The following ARHGAP15 variants were observed in gnomAD, a reference collection of about 807,000 sequenced individuals.
ARHGAP15 encodes the protein Rho GTPase activating protein 15.
ARHGAP15 carries 51 observed loss-of-function variants against 63.7 expected under a neutral mutation model. That is an observed-to-expected ratio of 0.80 (90% confidence interval 0.64 to 1.01). The LOEUF (loss-of-function observed/expected upper bound fraction) is 1.01, where lower values mean the gene tolerates loss of function less well. Ranked by LOEUF, ARHGAP15 falls within the 50% of genes least tolerant of loss-of-function variation. The probability of loss-of-function intolerance (pLI) is 0.00; values close to 1 mark genes in which losing one functional copy is unlikely to be tolerated. For synonymous variants in ARHGAP15, 191 were observed against 193.8 expected (o/e 0.99, Z 0.12); for missense variants, 560 against 564.6 (o/e 0.99, Z 0.08).
chr2:143,255,274 C>G (rs181999702), intron 6 of ARHGAP15, among the ~76,000 whole-genome samples: 1 of 151,916 alleles, frequency 6.6e-6, no homozygotes, highest in African/African-American at 2.4e-5. Flanking sequence ...ATCCTCCCCC[C>G]GCCACCACCA....
intron 12 of ARHGAP15, among the ~76,000 whole-genome samples, chr2:143,678,679 T>TCATG (rs1224107475): frequency 6.6e-6 from 1 of 152,216 alleles, no homozygotes; most frequent in Admixed American, 6.5e-5. Flanking sequence ...TCTAAAAATG[T>TCATG]CATGATTCTA....
At chr2:143,687,683 T>C (rs916896879) in intron 12 of ARHGAP15, among the ~76,000 whole-genome samples, 2 of 152,218 alleles carry the variant, frequency 1.3e-5, no homozygotes, top group Non-Finnish European at 2.9e-5. Flanking sequence ...AGTGATTTGA[T>C]CTGTGCAAAT....
intron 8 of ARHGAP15, among the ~76,000 whole-genome samples, chr2:143,484,320 C>T (rs868531283): frequency 1.2e-4 from 18 of 149,068 alleles, no homozygotes; most frequent in Admixed American, 2.0e-4. Flanking sequence ...GAGCCGAGAT[C>T]GCACCACTGC....
intron 8 of ARHGAP15, among the ~76,000 whole-genome samples, chr2:143,477,806 G>A (rs2105205872): frequency 6.6e-6 from 1 of 152,304 alleles, no homozygotes; most frequent in South Asian, 2.1e-4. Flanking sequence ...CCCAAGTCCT[G>A]ATCCTGAACT....
At chr2:143,409,236 C>A (rs1340685448) in intron 6 of ARHGAP15, among the ~76,000 whole-genome samples, 2 of 151,912 alleles carry the variant, frequency 1.3e-5, no homozygotes, top group Non-Finnish European at 2.9e-5. Flanking sequence ...ATATCATACA[C>A]CCACACCTAC....
At chr2:143,524,231 T>C (rs1344589302) in intron 10 of ARHGAP15, among the ~76,000 whole-genome samples, 1 of 152,148 alleles carries the variant, frequency 6.6e-6, no homozygotes, top group Non-Finnish European at 1.5e-5. Context: ...TGCTGTCGTT[T>C]GTTTGACAGG....
rs2381472 is a variant in ARHGAP15 at position 143,394,169 on chromosome 2, G to A, written c.475-41432G>A. On this transcript the variant is annotated intron_variant, in intron 6 of 13. Coordinates refer to ENST00000295095, the MANE Select transcript of ARHGAP15 (RefSeq NM_018460.4). ...ATGGACTTCTTTGCTCATCCAGTGC[G>A]ACACACACTTAACTTCCATACAACT... Among the ~76,000 whole-genome samples the A allele has an allele frequency of 1.8e-3, 268 of 152,216 alleles. 2 individuals carry two copies. In the South Asian group the frequency reaches 0.02, roughly 11 times the overall value.
At chr2:143,647,264 G>A (rs1680925843) in intron 12 of ARHGAP15, among the ~76,000 whole-genome samples, 1 of 150,866 alleles carries the variant, frequency 6.6e-6, no homozygotes, top group African/African-American at 2.4e-5. Context: ...GTGTAAAAGA[G>A]TTGAATTAGC....
intron 8 of ARHGAP15, among the ~76,000 whole-genome samples, chr2:143,449,746 G>C (rs1290072145): frequency 6.6e-6 from 1 of 152,058 alleles, no homozygotes; most frequent in East Asian, 1.9e-4. Context: ...TCTTAGTAGG[G>C]TGAGATTTCA....
chr2:143,555,032 T>A (rs975172646), intron 10 of ARHGAP15, among the ~76,000 whole-genome samples: 5 of 152,182 alleles, frequency 3.3e-5, no homozygotes, highest in African/African-American at 1.2e-4. Context: ...TTAATACATT[T>A]GTTAATAGCT....
At chr2:143,562,979 A>G (rs1160164141) in intron 11 of ARHGAP15, among the ~76,000 whole-genome samples, 1 of 152,184 alleles carries the variant, frequency 6.6e-6, no homozygotes, top group Non-Finnish European at 1.5e-5. Flanking sequence ...CGTGGATTGT[A>G]TTTTCTAATT....
At chr2:143,436,122 T>G (rs1201081984) in intron 7 of ARHGAP15, among the ~76,000 whole-genome samples, 2 of 152,166 alleles carry the variant, frequency 1.3e-5, no homozygotes, top group Admixed American at 1.3e-4. Flanking sequence ...TTTATTATTC[T>G]TCCAGCTAAG....
chr2:143,580,888 A>C (rs760943151), intron 11 of ARHGAP15, among the ~76,000 whole-genome samples: 1 of 152,170 alleles, frequency 6.6e-6, no homozygotes, highest in Non-Finnish European at 1.5e-5. Context: ...GAAAGTGCCT[A>C]TAAATAATGG....
intron 12 of ARHGAP15, among the ~76,000 whole-genome samples, chr2:143,699,127 T>C (rs1005140989): frequency 1.3e-5 from 2 of 152,134 alleles, no homozygotes; most frequent in Non-Finnish European, 2.9e-5. Context: ...ATAAACCAGA[T>C]CTGAAAAGGT....
At chr2:143,384,045 C>T (rs1687167611) in intron 6 of ARHGAP15, among the ~76,000 whole-genome samples, 1 of 152,160 alleles carries the variant, frequency 6.6e-6, no homozygotes, top group African/African-American at 2.4e-5. Context: ...CATCATTAGG[C>T]TCCCGAGGGT....
At chr2:143,362,531 G>A (rs940418422) in intron 6 of ARHGAP15, among the ~76,000 whole-genome samples, 5 of 152,024 alleles carry the variant, frequency 3.3e-5, no homozygotes, top group Non-Finnish European at 5.9e-5. Context: ...GATTTTATTC[G>A]GGATGAAAAT....
At chr2:143,156,064 G>A (rs1008384723) in intron 2 of ARHGAP15, among the ~76,000 whole-genome samples, 27 of 151,476 alleles carry the variant, frequency 1.8e-4, no homozygotes, top group African/African-American at 6.3e-4. Context: ...AAAAAAATGT[G>A]AAAATCTCTT....
chr2:143,286,835 G>A (rs941044388), intron 6 of ARHGAP15, among the ~76,000 whole-genome samples: 2 of 152,138 alleles, frequency 1.3e-5, no homozygotes, highest in African/African-American at 2.4e-5. Context: ...AACATAGATG[G>A]TATAGTCTAC....
intron 6 of ARHGAP15, among the ~76,000 whole-genome samples, chr2:143,329,194 C>A (rs564655328): frequency 3.3e-5 from 5 of 152,144 alleles, no homozygotes; most frequent in South Asian, 4.1e-4. Flanking sequence ...TTACATTATA[C>A]GGCAAAGATG....
Sources: gnomAD v4.1 joint callset for allele counts (sites outside exome capture counted in the v4.1 genomes callset) on GRCh38, gnomAD v4.1.1 for gene constraint, MANE v1.5 for transcripts, NCBI Gene and HGNC (gene_info 2026-07-23, HGNC 2026-07-21) for gene names.